Variants in IPO7 observed in about 807,000 individuals in gnomAD.
The protein encoded by IPO7 is importin 7.
In IPO7, 13 loss-of-function variants were observed where a neutral mutation model predicts 136.4. The ratio of observed to expected loss-of-function variants is 0.10; its 90% confidence interval spans 0.06 to 0.15. IPO7 has a LOEUF of 0.15. IPO7 is among the 10% of genes least tolerant of loss of function. The pLI is 1.00. For synonymous variants in IPO7, 403 were observed against 404.4 expected (o/e 1.00, Z 0.04); for missense variants, 857 against 1,240.6 (o/e 0.69, Z 4.65).
chr11:9,431,754 A>T (rs1590449249), intron 16 of IPO7, among the ~76,000 whole-genome samples: 1 of 152,118 alleles, frequency 6.6e-6, no homozygotes, highest in African/African-American at 2.4e-5. Context: ...TGGGCAGATC[A>T]CCTGAGGTCA....
intron 12 of IPO7, among the ~76,000 whole-genome samples, chr11:9,427,606 A>G (rs1855231549): frequency 6.6e-6 from 1 of 152,170 alleles, no homozygotes; most frequent in Admixed American, 6.6e-5. Flanking sequence ...CTCTTTGTTT[A>G]TAAAGTATGT....
Position 9,432,989 on chromosome 11 carries a change from G to GTTTTTTTTTTTTTTTTTTTTTTT in IPO7, c.1882-565_1882-564insTTTTTTTTTTTTTTTTTTTTTTT, listed in dbSNP as rs397953468. 8.8e-4 allele frequency: 109 copies of GTTTTTTTTTTTTTTTTTTTTTTT among 123,228 alleles called. 6 individuals carry two copies. The highest frequency in any genetic ancestry group is 2.9e-3 in the African/African-American group (98 of 34,338). The allele number at this position is 123,228 out of a possible 1,614,324, so 7.6% of individuals were successfully genotyped here. On this transcript the variant is annotated intron_variant, in intron 16 of 24. Coordinates refer to ENST00000379719, the MANE Select transcript of IPO7 (RefSeq NM_006391.3). ...TAACAGATGGGCTATCTTCCAAATG[G>GTTTTTTTTTTTTTTTTTTTTTTT]TTTTTTTTTTTTTTTTGAGATGGAG... is the stretch of plus-strand genomic sequence containing the variant.
chr11:9,402,399 C>CAAAA lies in IPO7; in HGVS notation c.85-866_85-863dup, dbSNP rs71062846. ...CAGGCGACAGAGCGAGACTGTGTCT[C>CAAAA]AAAAAAAAAAAAAAAAAAAAAAAAA... is the stretch of plus-strand genomic sequence containing the variant. On this transcript the variant is annotated intron_variant, in intron 1 of 24. Transcript: ENST00000379719. Among the ~76,000 whole-genome samples, 30 of 44,902 alleles carry CAAAA rather than the reference C, an allele frequency of 6.7e-4. 1 individual carries two copies. The East Asian group carries it at 0.015, about 23-fold the overall frequency. 29.5% of individuals were successfully genotyped at this position (44,902 alleles called of 152,430 possible).
rs1855528883 is a variant in IPO7 at position 9,446,416 on chromosome 11, A to G, written c.*1222A>G. The G allele has an allele frequency of 6.6e-6, 1 of 152,144 alleles. No individual in the cohort carries two copies. Among genetic ancestry groups the G allele is most frequent in the South Asian group, 2.1e-4 (1 of 4,826 alleles). The allele number at this position is 152,144 out of a possible 1,614,324, so 9.4% of individuals were successfully genotyped here. ...GATCGTGGTATCTGATCTTGACTAGATAGGCTGAAGGCACATGGTTCCCTC... is the reference window on the plus strand; with the variant it reads ...GATCGTGGTATCTGATCTTGACTAGGTAGGCTGAAGGCACATGGTTCCCTC... On this transcript the variant is annotated 3_prime_UTR_variant, in exon 25 of 25. Coordinates refer to ENST00000379719, the MANE Select transcript of IPO7 (RefSeq NM_006391.3).
chr11:9,415,332 A>T (rs1438926080), intron 5 of IPO7, among the ~76,000 whole-genome samples: 1 of 152,010 alleles, frequency 6.6e-6, no homozygotes, highest in Admixed American at 6.6e-5. Context: ...CAAAAAAAAA[A>T]AAGAATTAGT....
chr11:9,415,066 C>G, intron 5 of IPO7, among the ~76,000 whole-genome samples: 1 of 151,774 alleles, frequency 6.6e-6, no homozygotes, highest in Middle Eastern at 3.2e-3. Flanking sequence ...ACCTGTAATC[C>G]CAGCACTTTG....
chr11:9,399,963 G>C (rs1249472900), intron 1 of IPO7, among the ~76,000 whole-genome samples: 2 of 151,928 alleles, frequency 1.3e-5, no homozygotes. Flanking sequence ...CTTTTCCCTT[G>C]GTAACTGAGG....
chr11:9,417,951 G>A (rs1855065378), intron 6 of IPO7, among the ~76,000 whole-genome samples: 2 of 149,374 alleles, frequency 1.3e-5, no homozygotes, highest in Non-Finnish European at 3.0e-5. Context: ...GAGCTCAGGT[G>A]ATCCGCCCAC....
intron 24 of IPO7, among the ~76,000 whole-genome samples, chr11:9,444,433 G>A (rs911286299): frequency 2.0e-5 from 3 of 151,336 alleles, no homozygotes; most frequent in Admixed American, 6.6e-5. Flanking sequence ...GTGCAATCTC[G>A]GCTCACTGCC....
intron 1 of IPO7, among the ~76,000 whole-genome samples, chr11:9,385,674 C>T (rs1209011867): frequency 1.3e-5 from 2 of 152,078 alleles, no homozygotes; most frequent in Non-Finnish European, 2.9e-5. Flanking sequence ...AGTCTGAGTG[C>T]CTTGGAACAT....
chr11:9,411,571 A>G (rs16906804), intron 4 of IPO7, among the ~76,000 whole-genome samples: 7,267 of 152,284 alleles, frequency 0.048, 242 homozygotes, highest in South Asian at 0.078. Context: ...AATTGGGACC[A>G]TGTTAAAGAG....
chr11:9,442,421 T>C (rs949117083), intron 24 of IPO7, among the ~76,000 whole-genome samples: 1 of 151,972 alleles, frequency 6.6e-6, no homozygotes, highest in African/African-American at 2.4e-5. Flanking sequence ...TGTTTGTTTG[T>C]TTGTTTGTTT....
chr11:9,419,125 G>T (rs542567842), intron 6 of IPO7, among the ~76,000 whole-genome samples: 1 of 152,264 alleles, frequency 6.6e-6, no homozygotes, highest in South Asian at 2.1e-4. Context: ...GAAAGGAATT[G>T]GGTCATAAGG....
Position 9,440,281 on chromosome 11 carries a change from T to C in IPO7, c.2696-174T>C, listed in dbSNP as rs369143914. Among the ~76,000 whole-genome samples the C allele has an allele frequency of 1.6e-4, 24 of 152,380 alleles. No homozygotes were observed. In the East Asian group the frequency reaches 2.1e-3, roughly 13 times the overall value. On this transcript the variant is annotated intron_variant, in intron 22 of 24. Coordinates refer to ENST00000379719, the MANE Select transcript of IPO7 (RefSeq NM_006391.3). ...ATCAAGGTTGGTTTTCTTGGACTCC[T>C]ATGGAAATTTTCATTTCTATTCATT...
Position 9,429,694 on chromosome 11 carries a change from T to G in IPO7, c.1612T>G (p.Phe538Val), listed in dbSNP as rs1272628402. Residue 538 changes from phenylalanine (F) to valine (V), a missense_variant, in exon 15 of 25, where the codon TTC (phenylalanine) becomes GTC (valine). This residue lies in a region of IPO7 where 58 missense variants were observed against 122.1 expected (regional missense o/e 0.47). Transcript: ENST00000379719. ...QEKAKEYITP[F>V]IRPVMQALLH... The stretch of plus-strand genomic sequence containing the variant: ...TACAGCTAAAGAATATATCACACCA[T>G]TCATCAGACCTGTAATGCAGGCTCT... The G allele has an allele frequency of 6.2e-7, 1 of 1,608,164 alleles. No homozygotes were observed. The highest frequency in any genetic ancestry group is 1.7e-5 in the Admixed American group (1 of 58,910).
In IPO7 at chr11:9,423,015, A is replaced by G; in HGVS notation, c.916A>G (p.Lys306Glu). The change falls in exon 9 of 25, where the codon AAG (lysine) becomes GAG (glutamate). Residue 306 changes from lysine to glutamate, a missense_variant. By Grantham distance (56) the Lys-to-Glu change is moderately conservative (BLOSUM62 1). Transcript: ENST00000379719. The part of the protein sequence containing the change: ...FAVGVQQVLL[K>E]VLYQYKEKQY... Reference sequence around the variant, plus strand: ...AAAATTTTTTTCCAAGGTTTTATTGAAGGTGTTATATCAGTACAAGGAGAA... The same window carrying G: ...AAAATTTTTTTCCAAGGTTTTATTGGAGGTGTTATATCAGTACAAGGAGAA... The G allele has an allele frequency of 6.5e-7, 1 of 1,530,010 alleles. No homozygotes were observed. Among genetic ancestry groups the G allele is most frequent in the Non-Finnish European group, 8.8e-7 (1 of 1,138,138 alleles). 94.8% of individuals were successfully genotyped at this position (1,530,010 alleles called of 1,614,324 possible).
chr11:9,440,357 T>C (rs2133766823), intron 22 of IPO7, 98 bp from the exon 23 acceptor site: 1 of 937,956 alleles, frequency 1.1e-6, no homozygotes, highest in South Asian at 1.4e-5. Context: ...TTGTCACTTG[T>C]GACTTGTAAT....
rs775414494 is a variant in IPO7, at chr11:9,428,876, A to G, written c.1426-155A>G. The G allele has an allele frequency of 2.6e-5, 21 of 808,704 alleles. No homozygotes were observed. The Admixed American group carries it at 3.0e-4, about 12-fold the overall frequency. 50.1% of individuals were successfully genotyped at this position (808,704 alleles called of 1,614,324 possible). A position where few individuals can be genotyped will look rare whatever the true frequency, so the allele number is the denominator to read the frequency against. On this transcript the variant is annotated intron_variant, in intron 13 of 24. Coordinates refer to ENST00000379719, the MANE Select transcript of IPO7 (RefSeq NM_006391.3). ...CACAAACATCATGCGGCCAAAGAGT[A>G]ACTTGGGATCATAGTACTGGTCTAG...
At chr11:9,404,436 G>C (rs1854847378) in intron 2 of IPO7, among the ~76,000 whole-genome samples, 1 of 151,604 alleles carries the variant, frequency 6.6e-6, no homozygotes, top group African/African-American at 2.4e-5. Flanking sequence ...CTGCACACCA[G>C]CCTGAGCAAC....
Sources: allele counts gnomAD v4.1 joint callset (sites outside exome capture counted in the v4.1 genomes callset), GRCh38; gene constraint gnomAD v4.1.1; regional missense constraint gnomAD v4.1.1; transcripts MANE v1.5; gene names NCBI Gene and HGNC (gene_info 2026-07-23, HGNC 2026-07-21).